TLE1: variants seen among roughly 807,000 people sequenced by gnomAD.
TLE1 encodes transducin-like enhancer protein 1.
Under a neutral mutation model 89.8 loss-of-function variants are expected in TLE1, and 21 were observed. The ratio of observed to expected loss-of-function variants is 0.23; its 90% CI spans 0.17 to 0.34. The LOEUF (loss-of-function observed/expected upper bound fraction) is 0.34, where lower values mean the gene tolerates loss of function less well. Among genes scored for constraint, TLE1 ranks in the 10% least tolerant of loss-of-function variants. The probability of loss-of-function intolerance (pLI) is 1.00; values close to 1 mark genes in which losing one functional copy is unlikely to be tolerated. For synonymous variants in TLE1, 447 were observed against 407.6 expected, an observed-to-expected ratio of 1.10 and a Z score of -1.16; for missense variants, 795 against 1,031.2, an observed-to-expected ratio of 0.77 and a Z score of 3.14.
intron 6 of TLE1, among the ~76,000 whole-genome samples, chr9:81,637,758 C>A (rs531931622): frequency 6.6e-6 from 1 of 151,524 alleles, no homozygotes. Context: ...GTGGCCATTC[C>A]ACCTCATATT....
At chr9:81,629,881 G>A (rs1170983514) in intron 8 of TLE1, among the ~76,000 whole-genome samples, 1 of 152,128 alleles carries the variant, frequency 6.6e-6, no homozygotes, top group Non-Finnish European at 1.5e-5. Context: ...GTTATGCAGT[G>A]CACTGATTAC....
chr9:81,650,998 C>T (rs879798032), intron 6 of TLE1, among the ~76,000 whole-genome samples: 17 of 152,160 alleles, frequency 1.1e-4, no homozygotes, highest in Non-Finnish European at 2.2e-4. Context: ...ATTCTTTAAT[C>T]CTCCTTGGCT....
At chr9:81,633,092 T>C (rs548554208) in intron 8 of TLE1, among the ~76,000 whole-genome samples, 2 of 152,214 alleles carry the variant, frequency 1.3e-5, no homozygotes, top group African/African-American at 2.4e-5. Context: ...TCACAGCAAA[T>C]AGTTTTGCCT....
intron 5 of TLE1, 110 bp downstream of exon 5, chr9:81,653,864 G>A: frequency 3.1e-6 from 3 of 962,264 alleles, no homozygotes; most frequent in South Asian, 1.5e-5. Context: ...AGCTGTAACA[G>A]ATGTTCTTCA....
intron 6 of TLE1, among the ~76,000 whole-genome samples, chr9:81,642,029 A>G (rs938147843): frequency 1.6e-4 from 24 of 152,074 alleles, no homozygotes; most frequent in Admixed American, 5.9e-4. Context: ...TCTCCAAAAA[A>G]AAAGAAAGAA....
chr9:81,613,794 G>C (rs1366732710), intron 11 of TLE1, among the ~76,000 whole-genome samples: 1 of 151,918 alleles, frequency 6.6e-6, no homozygotes, highest in Non-Finnish European at 1.5e-5. Flanking sequence ...CATCAGCCTT[G>C]TGGACTTTGG....
At chr9:81,616,495 C>G in intron 10 of TLE1, 151 bp downstream of exon 10, 1 of 717,608 alleles carries the variant, frequency 1.4e-6, no homozygotes, top group Non-Finnish European at 2.3e-6. Context: ...CATTATTGCT[C>G]CATACATGAG....
At position 81,599,963 on chromosome 9, in the gene TLE1, A is replaced by G. The variant is rs1043272985; in HGVS notation, c.1332-6689T>C. On this transcript the variant is annotated intron_variant, in intron 14 of 19. Transcript: ENST00000376499. Reference sequence around the variant, plus strand: ...AATGGATATGTAAAAGAAGATTACAAGCAAAGAAAACAAGAAACAGATGAC... The same window carrying G: ...AATGGATATGTAAAAGAAGATTACAGGCAAAGAAAACAAGAAACAGATGAC... The G allele has an allele frequency of 3.7e-5, 21 of 561,922 alleles. No individual in the cohort carries two copies. The African/African-American group carries it at 3.9e-4, about 11-fold the overall frequency. The allele number at this position is 561,922 out of a possible 1,614,324, so 34.8% of individuals were successfully genotyped here.
At chr9:81,660,934 AACACACACACACACACACAC>A (rs548190067) in intron 4 of TLE1, among the ~76,000 whole-genome samples, 14 of 88,848 alleles carry the variant, frequency 1.6e-4, no homozygotes, top group South Asian at 4.6e-4. Flanking sequence ...ATCCCTACTA[AACACACACACACACACACAC>A]ACACACACAC....
At chr9:81,670,184 G>C (rs1163638805) in intron 4 of TLE1, among the ~76,000 whole-genome samples, 2 of 152,132 alleles carry the variant, frequency 1.3e-5, no homozygotes, top group African/African-American at 4.8e-5. Flanking sequence ...AATAGACTTG[G>C]AAAAGTAGCC....
intron 4 of TLE1, among the ~76,000 whole-genome samples, chr9:81,669,881 T>C (rs1329496477): frequency 1.3e-5 from 2 of 152,222 alleles, no homozygotes; most frequent in Admixed American, 6.5e-5. Context: ...TTAAAGATAA[T>C]GTTGTACCAC....
intron 8 of TLE1, among the ~76,000 whole-genome samples, chr9:81,631,971 A>G (rs1015991308): frequency 5.9e-5 from 9 of 152,200 alleles, no homozygotes; most frequent in East Asian, 5.8e-4. Context: ...GTGTGGTGGC[A>G]CAGGCCTGTA....
chr9:81,678,074 T>C (rs572891412), intron 4 of TLE1, among the ~76,000 whole-genome samples: 4 of 152,288 alleles, frequency 2.6e-5, no homozygotes, highest in Non-Finnish European at 1.5e-5. Flanking sequence ...AAGCAGCAAA[T>C]ACTACTATAA....
intron 14 of TLE1, among the ~76,000 whole-genome samples, chr9:81,604,630 T>C (rs1413338508): frequency 6.6e-6 from 1 of 152,102 alleles, no homozygotes; most frequent in Non-Finnish European, 1.5e-5. Flanking sequence ...ACACGCACGG[T>C]CAGAGGCACA....
At chr9:81,682,688 A>G (rs886231754) in intron 4 of TLE1, among the ~76,000 whole-genome samples, 2 of 152,136 alleles carry the variant, frequency 1.3e-5, no homozygotes, top group Non-Finnish European at 2.9e-5. Context: ...GCTCACATCA[A>G]CTTGCTGTTT....
At chr9:81,606,083 G>A (rs1325453094) in intron 14 of TLE1, among the ~76,000 whole-genome samples, 4 of 152,166 alleles carry the variant, frequency 2.6e-5, no homozygotes, top group East Asian at 1.9e-4. Flanking sequence ...ACCATCTCAT[G>A]CCAGTTAGAA....
chr9:81,646,482 C>G lies in TLE1; in HGVS notation c.372+5732G>C, dbSNP rs114713404. Among the ~76,000 whole-genome samples, 233 of 152,232 alleles carry G rather than the reference C, an allele frequency of 1.5e-3. 2 individuals carry two copies. Among genetic ancestry groups the G allele is most frequent in the African/African-American group, 5.4e-3 (223 of 41,554 alleles). Reference sequence around the variant, plus strand: ...TCTCGGTAGCAGGATATGCATTATTCTCCTAGGGAGAATTTGTTTTATAAA... The same window carrying G: ...TCTCGGTAGCAGGATATGCATTATTGTCCTAGGGAGAATTTGTTTTATAAA... On this transcript the variant is annotated intron_variant, in intron 6 of 19. Transcript: ENST00000376499.
intron 14 of TLE1, among the ~76,000 whole-genome samples, chr9:81,608,862 G>A (rs989447343): frequency 4.6e-4 from 69 of 151,514 alleles, no homozygotes; most frequent in African/African-American, 1.5e-3. Context: ...GCTTGAACCC[G>A]GGAGGCAGAG....
intron 14 of TLE1, among the ~76,000 whole-genome samples, chr9:81,606,009 C>A (rs1159916194): frequency 6.6e-6 from 1 of 152,128 alleles, no homozygotes; most frequent in Non-Finnish European, 1.5e-5. Flanking sequence ...AGCCAACAGA[C>A]ACATGAAAAA....
Sources: allele counts gnomAD v4.1 joint callset (sites outside exome capture counted in the v4.1 genomes callset), GRCh38; gene constraint gnomAD v4.1.1; transcripts MANE v1.5; gene names NCBI Gene and HGNC (gene_info 2026-07-23, HGNC 2026-07-21).